Variants in AGTPBP1 observed in about 807,000 individuals in gnomAD.
AGTPBP1 encodes ATP/GTP binding carboxypeptidase 1.
Under a neutral mutation model 143.9 loss-of-function variants are expected in AGTPBP1, and 70 were observed. That is an observed-to-expected ratio of 0.49 (90% confidence interval 0.40 to 0.59). The LOEUF is 0.59. Among genes scored for constraint, AGTPBP1 ranks in the 20% least tolerant of loss-of-function variants. The pLI, the probability that AGTPBP1 is intolerant of heterozygous loss-of-function variation, is 0.00. For synonymous variants in AGTPBP1, 463 were observed against 500.2 expected (o/e 0.93, Z 0.99); for missense variants, 1,229 against 1,464.5 (o/e 0.84, Z 2.62).
chr9:85,753,233 A>C, the AGTPBP1 span: 7 of 1,559,338 alleles, frequency 4.5e-6, no homozygotes, highest in African/African-American at 8.3e-5. Flanking sequence ...AGAAAGAAAA[A>C]AAAAATTGTC....
intron 17 of AGTPBP1, among the ~76,000 whole-genome samples, chr9:85,599,359 T>C (rs534877669): frequency 6.6e-6 from 1 of 152,356 alleles, no homozygotes; most frequent in South Asian, 2.1e-4. Context: ...CTACTTCTGA[T>C]ACCAACAAAT....
At chr9:85,732,210 CTTT>C (rs144655182) in intron 1 of AGTPBP1, among the ~76,000 whole-genome samples, 19 of 120,972 alleles carry the variant, frequency 1.6e-4, no homozygotes, top group Middle Eastern at 5.0e-3. Flanking sequence ...GACTATGACC[CTTT>C]TTTTTTTTTT....
intron 25 of AGTPBP1, among the ~76,000 whole-genome samples, chr9:85,568,904 G>A (rs978384136): frequency 6.6e-6 from 1 of 152,188 alleles, no homozygotes; most frequent in Non-Finnish European, 1.5e-5. Context: ...TTCTAGACCA[G>A]TTAATTTTGT....
At chr9:85,557,845 G>A (rs572178768) in intron 25 of AGTPBP1, among the ~76,000 whole-genome samples, 9 of 152,194 alleles carry the variant, frequency 5.9e-5, no homozygotes, top group African/African-American at 1.9e-4. Flanking sequence ...TTTGCTAACG[G>A]TCTATAGCAA....
the AGTPBP1 span, among the ~76,000 whole-genome samples, chr9:85,796,029 TG>T: frequency 6.6e-6 from 1 of 151,976 alleles, no homozygotes; most frequent in Non-Finnish European, 1.5e-5. Context: ...AATATTACAG[TG>T]TAAGGAATGC....
At chr9:85,692,902 C>T in intron 2 of AGTPBP1, 89 bp from the exon 3 acceptor site, 1 of 1,446,086 alleles carries the variant, frequency 6.9e-7, no homozygotes, top group Non-Finnish European at 9.4e-7. Flanking sequence ...AACAATTCTA[C>T]TCTTTTAAAA....
intron 1 of AGTPBP1, among the ~76,000 whole-genome samples, chr9:85,740,003 CAAAA>C (rs539664181): frequency 8.8e-6 from 1 of 113,654 alleles, no homozygotes; most frequent in Non-Finnish European, 1.9e-5. Flanking sequence ...GACTCCGTCT[CAAAA>C]AAAAAAAAAA....
chr9:85,673,756 A>C (rs561797858), intron 6 of AGTPBP1, among the ~76,000 whole-genome samples: 2 of 152,252 alleles, frequency 1.3e-5, no homozygotes, highest in South Asian at 4.2e-4. Context: ...CTTCCCCACT[A>C]TACAATACTA....
intron 25 of AGTPBP1, among the ~76,000 whole-genome samples, chr9:85,563,850 G>A (rs1263714944): frequency 6.6e-6 from 1 of 152,228 alleles, no homozygotes; most frequent in Non-Finnish European, 1.5e-5. Context: ...CCTGCAGTCT[G>A]GCACCCTGCT....
Position 85,688,096 on chromosome 9 carries a change from TA to T in AGTPBP1, c.157+4592del, listed in dbSNP as rs58523894. ...CAAGAATGAAACTCTGTCTCAAAATTAAAAAAAAAAAAAAAAAAAAAAAAGG... is the reference window on the plus strand; with the variant it reads ...CAAGAATGAAACTCTGTCTCAAAATTAAAAAAAAAAAAAAAAAAAAAAAGG... On this transcript the variant is annotated intron_variant, in intron 3 of 25. Transcript: ENST00000357081. Among the ~76,000 whole-genome samples the T allele has an allele frequency of 8.1e-3, 281 of 34,694 alleles. 1 individual carries two copies. The highest frequency in any genetic ancestry group is 0.077 in the Middle Eastern group (2 of 26). The allele number at this position is 34,694 out of a possible 152,430, so 22.8% of individuals were successfully genotyped here. A position where few individuals can be genotyped will look rare whatever the true frequency, so the allele number is the denominator to read the frequency against.
At chr9:85,599,570 C>T (rs1475816831) in intron 17 of AGTPBP1, among the ~76,000 whole-genome samples, 1 of 152,186 alleles carries the variant, frequency 6.6e-6, no homozygotes, top group Non-Finnish European at 1.5e-5. Flanking sequence ...TTAATTTTCA[C>T]TTCTCCTATA....
At chr9:85,688,642 A>C (rs1835648555) in intron 3 of AGTPBP1, among the ~76,000 whole-genome samples, 1 of 152,244 alleles carries the variant, frequency 6.6e-6, no homozygotes, top group African/African-American at 2.4e-5. Flanking sequence ...AACCATTTGC[A>C]TGAAAGTGGA....
At chr9:85,664,745 C>T (rs964262957) in intron 8 of AGTPBP1, among the ~76,000 whole-genome samples, 2 of 152,044 alleles carry the variant, frequency 1.3e-5, no homozygotes, top group East Asian at 1.9e-4. Flanking sequence ...ATATTTACTC[C>T]CCAAGGCACT....
intron 17 of AGTPBP1, 144 bp downstream of exon 17, chr9:85,618,839 G>T: frequency 1.2e-6 from 1 of 861,052 alleles, no homozygotes; most frequent in Non-Finnish European, 1.7e-6. Context: ...TATTTCAAAT[G>T]TTGCATAATA....
chr9:85,679,302 A>G (rs1262130398), intron 4 of AGTPBP1, among the ~76,000 whole-genome samples: 2 of 152,190 alleles, frequency 1.3e-5, no homozygotes, highest in Non-Finnish European at 2.9e-5. Flanking sequence ...GTAATGCTCA[A>G]TCTCAAGTGA....
intron 18 of AGTPBP1, among the ~76,000 whole-genome samples, chr9:85,595,589 C>T (rs1344651363): frequency 6.6e-6 from 1 of 152,076 alleles, no homozygotes; most frequent in African/African-American, 2.4e-5. Flanking sequence ...TGCAGTGGTG[C>T]GATCTCGGCT....
chr9:85,640,581 C>A (rs1198956363), intron 13 of AGTPBP1, among the ~76,000 whole-genome samples: 4 of 152,154 alleles, frequency 2.6e-5, no homozygotes, highest in Non-Finnish European at 5.9e-5. Context: ...CTATTCAGAC[C>A]CAAAGCAGGA....
chr9:85,590,629 T>C (rs1828901084), intron 19 of AGTPBP1, among the ~76,000 whole-genome samples: 1 of 151,894 alleles, frequency 6.6e-6, no homozygotes, highest in Non-Finnish European at 1.5e-5. Flanking sequence ...CTAGGGAAAA[T>C]AGAGAGTGCT....
chr9:85,567,548 C>T (rs1170745020), intron 25 of AGTPBP1, among the ~76,000 whole-genome samples: 2 of 151,996 alleles, frequency 1.3e-5, no homozygotes, highest in African/African-American at 4.8e-5. Context: ...GTCGAGATCG[C>T]GCCACTGTAC....
Sources: allele counts gnomAD v4.1 joint callset (sites outside exome capture counted in the v4.1 genomes callset), GRCh38; gene constraint gnomAD v4.1.1; transcripts MANE v1.5; gene names NCBI Gene and HGNC (gene_info 2026-07-23, HGNC 2026-07-21).